JAM3: variants seen among roughly 807,000 people sequenced by gnomAD.
The protein encoded by JAM3 is junctional adhesion molecule 3.
A neutral mutation model predicts 39.4 loss-of-function variants in JAM3; 31 were observed. The ratio of observed to expected loss-of-function variants is 0.79; its 90% CI spans 0.59 to 1.06. The LOEUF (loss-of-function observed/expected upper bound fraction) is 1.06. JAM3 is among the 50% of genes least tolerant of loss of function. The pLI is 0.00. For synonymous variants in JAM3, 182 were observed against 148.7 expected, an observed-to-expected ratio of 1.22 and a Z score of -1.63; for missense variants, 455 against 391.4, an observed-to-expected ratio of 1.16 and a Z score of -1.37.
At chr11:134,102,512 C>T (rs1431900840) in intron 1 of JAM3, among the ~76,000 whole-genome samples, 2 of 152,154 alleles carry the variant, frequency 1.3e-5, no homozygotes, top group African/African-American at 4.8e-5. Context: ...AAGCTGGACA[C>T]AGAATGACTT....
chr11:134,096,536 TCTC>T (rs1941987663), intron 1 of JAM3, among the ~76,000 whole-genome samples: 1 of 152,186 alleles, frequency 6.6e-6, no homozygotes, highest in African/African-American at 2.4e-5. Flanking sequence ...TTTAATTTCT[TCTC>T]AAATCCAGGG....
intron 1 of JAM3, chr11:134,124,156 CT>C: frequency 6.9e-7 from 1 of 1,459,174 alleles, no homozygotes; most frequent in South Asian, 1.1e-5. Context: ...TGGATTCCTT[CT>C]TTTTCAACTG....
intron 1 of JAM3, among the ~76,000 whole-genome samples, chr11:134,136,393 C>T (rs1421467566): frequency 6.6e-6 from 1 of 152,188 alleles, no homozygotes; most frequent in East Asian, 1.9e-4. Context: ...GAGTTACTTA[C>T]GATGTCTTCA....
At chr11:134,127,479 A>G (rs1001405329) in intron 1 of JAM3, among the ~76,000 whole-genome samples, 2 of 152,218 alleles carry the variant, frequency 1.3e-5, no homozygotes, top group Non-Finnish European at 2.9e-5. Flanking sequence ...CAGGTGGATC[A>G]TATGAGGTAA....
chr11:134,139,833 C>G lies in JAM3; in HGVS notation c.77-18C>G, dbSNP rs1224514583. 3 of 1,608,152 alleles carry G rather than the reference C, an allele frequency of 1.9e-6. No homozygotes were observed. The highest frequency in any genetic ancestry group is 1.7e-5 in the Admixed American group (1 of 60,008). ...TTGAGATACATTGTCTCTGATTTTA[C>G]TTTTCTTTCTCCTTCAGGCTGCCTG... On this transcript the variant is annotated intron_variant, in intron 1 of 8. Coordinates refer to ENST00000299106, the MANE Select transcript of JAM3 (RefSeq NM_032801.5).
At chr11:134,115,503 C>T (rs985224635) in intron 1 of JAM3, among the ~76,000 whole-genome samples, 1 of 152,024 alleles carries the variant, frequency 6.6e-6, no homozygotes, top group African/African-American at 2.4e-5. Flanking sequence ...TTAGCTATAA[C>T]TTATGACCTT....
chr11:134,144,436 C>A, intron 4 of JAM3, 43 bp downstream of exon 4: 2 of 1,607,642 alleles, frequency 1.2e-6, no homozygotes, highest in Non-Finnish European at 1.7e-6. Context: ...CCATAGGATG[C>A]AAGAGATCAG....
Position 134,149,431 on chromosome 11 carries a change from G to A in JAM3, c.*250G>A, listed in dbSNP as rs564825080. On this transcript the variant is annotated 3_prime_UTR_variant, in exon 9 of 9. Transcript: ENST00000299106. ...AAACTGGGTGCGTTCACTGAGTTGG[G>A]TTCCTAATCTGTTTCTGGCCTGATT... 8.5e-5 allele frequency: 51 copies of A among 601,952 alleles called. No individual in the cohort carries two copies. The highest frequency in any genetic ancestry group is 1.3e-4 in the Non-Finnish European group (45 of 336,082). 37.3% of individuals were successfully genotyped at this position (601,952 alleles called of 1,614,324 possible).
intron 1 of JAM3, among the ~76,000 whole-genome samples, chr11:134,139,140 A>C (rs1405644290): frequency 2.0e-5 from 3 of 152,332 alleles, no homozygotes; most frequent in African/African-American, 7.2e-5. Flanking sequence ...TTTTGAGACC[A>C]TGGTAAACAG....
At chr11:134,145,475 A>G in intron 5 of JAM3, 1 of 322,532 alleles carries the variant, frequency 3.1e-6, no homozygotes, top group Non-Finnish European at 5.9e-6. Context: ...GAGGTGGGGG[A>G]GGAGAGGAAA....
chr11:134,129,820 G>A (rs534105859), intron 1 of JAM3, among the ~76,000 whole-genome samples: 4 of 152,240 alleles, frequency 2.6e-5, no homozygotes, highest in East Asian at 1.9e-4. Context: ...TGGGCAACAC[G>A]GTGAAACCCC....
intron 1 of JAM3, among the ~76,000 whole-genome samples, chr11:134,111,506 T>C (rs1942310389): frequency 6.6e-6 from 1 of 152,140 alleles, no homozygotes; most frequent in Non-Finnish European, 1.5e-5. Flanking sequence ...AGTAAAATCC[T>C]AGTGTTAAAG....
intron 1 of JAM3, among the ~76,000 whole-genome samples, chr11:134,080,941 G>T (rs146503727): frequency 6.6e-6 from 1 of 152,188 alleles, no homozygotes; most frequent in African/African-American, 2.4e-5. Flanking sequence ...CCAGGCTGGG[G>T]TGGTCTCAGA....
intron 1 of JAM3, among the ~76,000 whole-genome samples, chr11:134,104,543 C>T (rs575337470): frequency 1.1e-4 from 17 of 151,990 alleles, no homozygotes; most frequent in African/African-American, 3.6e-4. Flanking sequence ...TACAAAAAAC[C>T]CTTCAAAAAA....
chr11:134,130,023 G>C (rs576611873), intron 1 of JAM3, among the ~76,000 whole-genome samples: 1 of 151,736 alleles, frequency 6.6e-6, no homozygotes, highest in South Asian at 2.1e-4. Flanking sequence ...GTCAGTAAGA[G>C]TATTAAAAAC....
At chr11:134,144,727 C>A in intron 4 of JAM3, 65 bp from the exon 5 acceptor site, 1 of 1,419,852 alleles carries the variant, frequency 7.0e-7, no homozygotes, top group Non-Finnish European at 1.0e-6. Context: ...CTGATTTCTT[C>A]TGGGCTTTAA....
At chr11:134,110,132 A>T (rs149108135) in intron 1 of JAM3, among the ~76,000 whole-genome samples, 10 of 152,234 alleles carry the variant, frequency 6.6e-5, no homozygotes, top group African/African-American at 2.4e-4. Flanking sequence ...CTGTGCATCT[A>T]TCAGAATGAC....
At chr11:134,133,563 A>C (rs993447442) in intron 1 of JAM3, among the ~76,000 whole-genome samples, 3 of 152,156 alleles carry the variant, frequency 2.0e-5, no homozygotes, top group Non-Finnish European at 4.4e-5. Flanking sequence ...ATGTCATCCC[A>C]ACTTTATTAA....
At chr11:134,125,986 G>A (rs1434466136) in intron 1 of JAM3, among the ~76,000 whole-genome samples, 2 of 152,124 alleles carry the variant, frequency 1.3e-5, no homozygotes, top group Admixed American at 1.3e-4. Flanking sequence ...CATGCTCTTT[G>A]TGAAACTAAA....
Sources: allele counts gnomAD v4.1 joint callset (sites outside exome capture counted in the v4.1 genomes callset), GRCh38; gene constraint gnomAD v4.1.1; transcripts MANE v1.5; gene names NCBI Gene and HGNC (gene_info 2026-07-23, HGNC 2026-07-21).